PIWIL1: variants seen among roughly 807,000 people sequenced by gnomAD.
PIWIL1 encodes the protein piwi like RNA-mediated gene silencing 1, also known as piwi-like protein 1.
In PIWIL1, 73 loss-of-function variants were observed where a neutral mutation model predicts 114.4. The ratio of observed to expected loss-of-function variants is 0.64; its 90% CI spans 0.53 to 0.78. The LOEUF (loss-of-function observed/expected upper bound fraction) is 0.78. Ranked by LOEUF, PIWIL1 falls within the 30% of genes least tolerant of loss-of-function variation. PIWIL1 has a pLI of 0.00. For synonymous variants in PIWIL1, 375 were observed against 369.0 expected (o/e 1.02, Z -0.19); for missense variants, 723 against 1,063.1 (o/e 0.68, Z 4.45).
At chr12:130,368,179 G>A (rs1423742336) in intron 19 of PIWIL1, among the ~76,000 whole-genome samples, 1 of 152,158 alleles carries the variant, frequency 6.6e-6, no homozygotes, top group African/African-American at 2.4e-5. Context: ...GTTCGTGATG[G>A]CAACCCATCA....
Position 130,354,672 on chromosome 12 carries a change from G to A in PIWIL1, c.1171+9G>A. On this transcript the variant is annotated intron_variant, in intron 10 of 20. Transcript: ENST00000245255. Reference sequence around the variant, plus strand: ...GCTCTGCTATCTTACAGGTACTGTTGCATTTCATTTACTCGGAAGGAAGCC... The same window carrying A: ...GCTCTGCTATCTTACAGGTACTGTTACATTTCATTTACTCGGAAGGAAGCC... 3.8e-6 allele frequency: 6 copies of A among 1,562,326 alleles called. No individual in the cohort carries two copies. The highest frequency in any genetic ancestry group is 5.2e-6 in the Non-Finnish European group (6 of 1,157,758).
chr12:130,342,610 G>T lies in PIWIL1; in HGVS notation c.19G>T (p.Ala7Ser). The T allele has an allele frequency of 6.2e-7, 1 of 1,613,722 alleles. No homozygotes were observed. Among genetic ancestry groups the T allele is most frequent in the Non-Finnish European group, 8.5e-7 (1 of 1,179,644 alleles). The change falls in exon 2 of 21, where the codon GCC becomes TCC. Residue 7 changes from alanine to serine, a missense_variant. Physicochemically the swap from Ala to Ser is moderately conservative, Grantham distance 99. Coordinates refer to ENST00000245255, the MANE Select transcript of PIWIL1 (RefSeq NM_004764.5). Reference sequence around the variant, plus strand: ...GAAAACAATGACTGGGAGAGCCCGAGCCAGAGCCAGAGGAAGGGCCCGCGG... The same window carrying T: ...GAAAACAATGACTGGGAGAGCCCGATCCAGAGCCAGAGGAAGGGCCCGCGG... MTGRAR[A>S]RARGRARGQE...
Position 130,338,083 on chromosome 12 carries a change from T to C in PIWIL1, c.-76T>C, listed in dbSNP as rs1002808435. On this transcript the variant is annotated 5_prime_UTR_variant, in exon 1 of 21. Transcript: ENST00000245255. ...CGCGGAGGGATCTCCGCGGGAGCCG[T>C]TGGGGCTGTTGGCCTCGGGCTGAGG... 2 of 205,982 alleles carry C rather than the reference T, an allele frequency of 9.7e-6. No individual in the cohort carries two copies. The highest frequency in any genetic ancestry group is 4.8e-5 in the African/African-American group (2 of 41,566). 12.8% of individuals were successfully genotyped at this position (205,982 alleles called of 1,614,324 possible). A position where few individuals can be genotyped will look rare whatever the true frequency, so the allele number is the denominator to read the frequency against.
intron 1 of PIWIL1, among the ~76,000 whole-genome samples, chr12:130,341,144 C>T (rs992743248): frequency 6.6e-6 from 1 of 152,196 alleles, no homozygotes; most frequent in Admixed American, 6.5e-5. Flanking sequence ...TGGATGGTTT[C>T]TCATGTGTTG....
the PIWIL1 span, among the ~76,000 whole-genome samples, chr12:130,391,282 G>A: frequency 6.6e-6 from 1 of 152,198 alleles, no homozygotes; most frequent in Non-Finnish European, 1.5e-5. Flanking sequence ...CAGGAACAAC[G>A]CGGGTGAGAC....
chr12:130,391,107 G>A, the PIWIL1 span, among the ~76,000 whole-genome samples: 3 of 152,286 alleles, frequency 2.0e-5, no homozygotes, highest in Admixed American at 2.0e-4. Flanking sequence ...GCGTCTCACT[G>A]TTCTCTCCCT....
the PIWIL1 span, chr12:130,396,528 C>T: frequency 6.4e-4 from 98 of 152,714 alleles, no homozygotes; most frequent in African/African-American, 2.1e-3. Context: ...TTTGGTGTGG[C>T]TTATGCATTA....
chr12:130,412,607 G>A, the PIWIL1 span: 1 of 1,612,772 alleles, frequency 6.2e-7, no homozygotes. Context: ...TCGAATAGGG[G>A]TTTGCGCTTA....
chr12:130,368,861 G>T (rs1467718847), intron 19 of PIWIL1, among the ~76,000 whole-genome samples: 1 of 151,790 alleles, frequency 6.6e-6, no homozygotes, highest in Non-Finnish European at 1.5e-5. Context: ...ATGCTATTCG[G>T]ACACCTGGAG....
chr12:130,371,460 C>A, intron 20 of PIWIL1, 22 bp from the exon 21 acceptor site: 2 of 1,610,762 alleles, frequency 1.2e-6, no homozygotes, highest in Admixed American at 1.7e-5. Context: ...AGTAATAGAA[C>A]CTTTTTTTCC....
the PIWIL1 span, chr12:130,407,969 A>C: frequency 1.4e-6 from 1 of 711,560 alleles, no homozygotes. Context: ...CTGGGCACTC[A>C]CATCAGCAAA....
chr12:130,407,532 C>T, the PIWIL1 span, among the ~76,000 whole-genome samples: 4 of 152,190 alleles, frequency 2.6e-5, no homozygotes, highest in African/African-American at 9.6e-5. Context: ...CTGGCCATGT[C>T]CCTGGGAATC....
chr12:130,412,409 C>G, the PIWIL1 span, among the ~76,000 whole-genome samples: 1 of 152,184 alleles, frequency 6.6e-6, no homozygotes, highest in Non-Finnish European at 1.5e-5. Flanking sequence ...TTAGGTGTAT[C>G]TGTGTCCCTA....
intron 19 of PIWIL1, 78 bp downstream of exon 19, chr12:130,367,336 A>G (rs533890575): frequency 3.2e-6 from 4 of 1,236,382 alleles, no homozygotes; most frequent in African/African-American, 1.5e-5. Context: ...TGCTTTACCA[A>G]TTTTAATACA....
chr12:130,348,920 T>C (rs2073142168), intron 7 of PIWIL1, among the ~76,000 whole-genome samples: 1 of 151,970 alleles, frequency 6.6e-6, no homozygotes, highest in Non-Finnish European at 1.5e-5. Context: ...AAACAAAATA[T>C]TGCAGCCCAA....
the PIWIL1 span, chr12:130,396,782 G>GT: frequency 1.3e-5 from 2 of 152,578 alleles, no homozygotes; most frequent in Non-Finnish European, 2.9e-5. Context: ...ACTGAAACTA[G>GT]TATCTTAAAA....
chr12:130,360,628 C>A (rs1314926771), intron 14 of PIWIL1, among the ~76,000 whole-genome samples: 1 of 152,128 alleles, frequency 6.6e-6, no homozygotes, highest in Non-Finnish European at 1.5e-5. Flanking sequence ...AGCAAAACTC[C>A]ATCTCAAAAA....
At chr12:130,363,211 A>G in intron 18 of PIWIL1, 67 bp downstream of exon 18, 1 of 1,475,322 alleles carries the variant, frequency 6.8e-7, no homozygotes, top group Non-Finnish European at 9.4e-7. Flanking sequence ...TGAAATTAGC[A>G]TCACAAGATG....
intron 1 of PIWIL1, among the ~76,000 whole-genome samples, chr12:130,339,079 C>A (rs527798656): frequency 6.6e-6 from 1 of 152,194 alleles, no homozygotes; most frequent in African/African-American, 2.4e-5. Flanking sequence ...AGGGCCCCTT[C>A]CCGCGTCCGC....
Sources: gnomAD v4.1 joint callset for allele counts (sites outside exome capture counted in the v4.1 genomes callset) on GRCh38, gnomAD v4.1.1 for gene constraint, MANE v1.5 for transcripts, NCBI Gene and HGNC (gene_info 2026-07-23, HGNC 2026-07-21) for gene names.